ARIH2: variants seen among roughly 807,000 people sequenced by gnomAD.
ARIH2 encodes the protein E3 ubiquitin-protein ligase ARIH2.
A neutral mutation model predicts 79.8 loss-of-function variants in ARIH2; 12 were observed. The ratio of observed to expected loss-of-function variants is 0.15; its 90% confidence interval spans 0.10 to 0.24. ARIH2 has a LOEUF of 0.24. ARIH2 is among the 10% of genes least tolerant of loss of function. The probability of loss-of-function intolerance (pLI) is 1.00; values close to 1 mark genes in which losing one functional copy is unlikely to be tolerated. For synonymous variants in ARIH2, 224 were observed against 213.9 expected (o/e 1.05, Z -0.41); for missense variants, 301 against 618.3 (o/e 0.49, Z 5.44).
chr3:48,972,321 C>T (rs759748491), intron 8 of ARIH2, among the ~76,000 whole-genome samples: 8 of 152,182 alleles, frequency 5.3e-5, no homozygotes, highest in Non-Finnish European at 1.0e-4. Flanking sequence ...AGATGCCCAG[C>T]TAATTTTTTT....
chr3:48,974,263 C>G (rs561653211), intron 9 of ARIH2, among the ~76,000 whole-genome samples: 9 of 152,262 alleles, frequency 5.9e-5, no homozygotes, highest in African/African-American at 2.2e-4. Flanking sequence ...CAGTCACTCG[C>G]CGAGTCAGTG....
At chr3:48,961,822 C>G (rs1369137733) in intron 4 of ARIH2, 143 bp downstream of exon 4, 2 of 580,348 alleles carry the variant, frequency 3.4e-6, no homozygotes, top group Non-Finnish European at 6.1e-6. Context: ...TTTACATCCT[C>G]TTCTCTTAAT....
In ARIH2 at chr3:48,938,913, C is replaced by CAA. The variant is rs1158929356; in HGVS notation, c.255+11125_255+11126dup. On this transcript the variant is annotated intron_variant, in intron 3 of 15. Coordinates refer to ENST00000356401, the MANE Select transcript of ARIH2 (RefSeq NM_006321.4). ...CCCTGTCCCCACTGGGTCTTTAGAC[C>CAA]AAAAAAAAAAAAAAAAAAAAAAAAA... is the stretch of plus-strand genomic sequence containing the variant. 5.5e-4 allele frequency among the ~76,000 whole-genome samples: 30 copies of CAA among 54,394 alleles called. 1 individual carries two copies. The highest frequency in any genetic ancestry group is 1.7e-3 in the African/African-American group (23 of 13,788). The allele number at this position is 54,394 out of a possible 152,430, so 35.7% of individuals were successfully genotyped here.
intron 3 of ARIH2, among the ~76,000 whole-genome samples, chr3:48,941,211 T>C (rs978830325): frequency 6.6e-6 from 1 of 151,902 alleles, no homozygotes; most frequent in East Asian, 1.9e-4. Context: ...TGTATGAACA[T>C]TCTCCTTTGA....
chr3:48,935,611 A>G (rs1229731525), intron 3 of ARIH2, among the ~76,000 whole-genome samples: 1 of 152,226 alleles, frequency 6.6e-6, no homozygotes, highest in African/African-American at 2.4e-5. Flanking sequence ...ATGACCTCAG[A>G]TAAGTCTGTC....
At chr3:48,953,174 C>T (rs2090161536) in intron 3 of ARIH2, among the ~76,000 whole-genome samples, 3 of 152,150 alleles carry the variant, frequency 2.0e-5, no homozygotes, top group Non-Finnish European at 4.4e-5. Flanking sequence ...AGGTGACCTG[C>T]CCGCCTCGGC....
chr3:48,932,532 AT>A (rs2086511191), intron 3 of ARIH2, among the ~76,000 whole-genome samples: 1 of 152,100 alleles, frequency 6.6e-6, no homozygotes, highest in African/African-American at 2.4e-5. Context: ...TTAGCCAATA[AT>A]TTTTTTCAGT....
Position 48,961,463 on chromosome 3 carries a change from A to G in ARIH2, c.256-149A>G, listed in dbSNP as rs575150474. The G allele has an allele frequency of 1.9e-5, 10 of 522,044 alleles. No homozygotes were observed. The South Asian group carries it at 2.9e-4, about 15-fold the overall frequency. The allele number at this position is 522,044 out of a possible 1,614,324, so 32.3% of individuals were successfully genotyped here. On this transcript the variant is annotated intron_variant, in intron 3 of 15. Transcript: ENST00000356401. The stretch of plus-strand genomic sequence containing the variant: ...ACTAAGATTGTAAGAGTCTAAACTT[A>G]AAAGACAAAGCAGAGAACCAAGAGG...
chr3:48,954,919 C>A (rs768047961), intron 3 of ARIH2, among the ~76,000 whole-genome samples: 1 of 152,114 alleles, frequency 6.6e-6, no homozygotes, highest in Non-Finnish European at 1.5e-5. Context: ...TTCATAGTGC[C>A]GGGTGTGGTG....
chr3:48,939,711 T>C (rs375872598), intron 3 of ARIH2, among the ~76,000 whole-genome samples: 14 of 144,662 alleles, frequency 9.7e-5, no homozygotes, highest in African/African-American at 3.6e-4. Flanking sequence ...TGAGCCGAGA[T>C]TGTGCCACTG....
intron 2 of ARIH2, among the ~76,000 whole-genome samples, chr3:48,923,192 G>A (rs985015107): frequency 1.3e-5 from 2 of 151,508 alleles, no homozygotes; most frequent in Admixed American, 6.6e-5. Context: ...GGGCGACAGA[G>A]CGAGACTCCG....
chr3:48,934,699 A>G, intron 3 of ARIH2: 2 of 985,438 alleles, frequency 2.0e-6, no homozygotes, highest in South Asian at 4.7e-5. Flanking sequence ...TCATTTTTAA[A>G]AGGCGATGAG....
At chr3:48,957,883 T>A (rs192594657) in intron 3 of ARIH2, among the ~76,000 whole-genome samples, 5 of 152,196 alleles carry the variant, frequency 3.3e-5, no homozygotes, top group Admixed American at 2.6e-4. Context: ...ACCCAGCTAA[T>A]TTTTGTATTT....
intron 12 of ARIH2, 174 bp from the exon 13 acceptor site, chr3:48,980,179 C>T (rs1157683684): frequency 9.6e-6 from 6 of 626,582 alleles, no homozygotes. Context: ...CATACAGCTG[C>T]TCTGGACAGG....
chr3:48,948,826 T>C (rs1255866520), intron 3 of ARIH2, among the ~76,000 whole-genome samples: 1 of 152,232 alleles, frequency 6.6e-6, no homozygotes, highest in Non-Finnish European at 1.5e-5. Context: ...TACCTGGTTC[T>C]TTCTCTTAGC....
At chr3:48,933,272 G>A (rs905024501) in intron 3 of ARIH2, among the ~76,000 whole-genome samples, 2 of 80,044 alleles carry the variant, frequency 2.5e-5, no homozygotes, top group African/African-American at 7.8e-5. Context: ...GTGTGTGTGT[G>A]TGTGTGTGTG....
chr3:48,978,415 TTGTGTATGTGTGTG>T (rs1482890432), intron 11 of ARIH2, among the ~76,000 whole-genome samples: 74 of 90,692 alleles, frequency 8.2e-4, no homozygotes, highest in African/African-American at 2.3e-3. Flanking sequence ...CCTGGCTAAT[TTGTGTATGTGTGTG>T]TGTGTGTGTG....
At chr3:48,978,455 G>A (rs1189731351) in intron 11 of ARIH2, among the ~76,000 whole-genome samples, 8 of 116,598 alleles carry the variant, frequency 6.9e-5, no homozygotes, top group African/African-American at 2.2e-4. Flanking sequence ...GTGTGTGTGT[G>A]TGTGTGTGTG....
intron 3 of ARIH2, chr3:48,943,236 A>T (rs962542356): frequency 2.0e-5 from 3 of 151,996 alleles, no homozygotes; most frequent in African/African-American, 7.2e-5. Flanking sequence ...CTCCAGCCTG[A>T]TTTCCTTATT....
Sources: gnomAD v4.1 joint callset for allele counts (sites outside exome capture counted in the v4.1 genomes callset) on GRCh38, gnomAD v4.1.1 for gene constraint, MANE v1.5 for transcripts, NCBI Gene and HGNC (gene_info 2026-07-23, HGNC 2026-07-21) for gene names.